Variants in C2orf49 observed in about 807,000 individuals in gnomAD.
C2orf49 encodes the protein tRNA splicing ligase complex subunit 2.
Under a neutral mutation model 20.6 loss-of-function variants are expected in C2orf49, and 11 were observed. That is an observed-to-expected ratio of 0.53 (90% CI 0.34 to 0.88). C2orf49 has a LOEUF of 0.88. Ranked by LOEUF, C2orf49 falls within the 40% of genes least tolerant of loss-of-function variation. The pLI, the probability that C2orf49 is intolerant of heterozygous loss-of-function variation, is 0.02. For missense variants in C2orf49, 289 were observed against 274.2 expected (o/e 1.05, Z -0.38); for synonymous variants, 134 against 108.5 (o/e 1.24, Z -1.46).
downstream of C2orf49, among the ~76,000 whole-genome samples, chr2:105,353,843 AT>A (rs1313449984): frequency 1.3e-5 from 2 of 152,232 alleles, no homozygotes; most frequent in Non-Finnish European, 2.9e-5. Flanking sequence ...TTGAGTATAT[AT>A]TTTAAGTTTC....
chr2:105,379,676 C>G, the C2orf49 span, among the ~76,000 whole-genome samples: 2 of 152,196 alleles, frequency 1.3e-5, no homozygotes, highest in African/African-American at 4.8e-5. Flanking sequence ...CAGATTGACC[C>G]CAACTCGCTT....
At chr2:105,354,995 A>G in the C2orf49 span, among the ~76,000 whole-genome samples, 16 of 152,228 alleles carry the variant, frequency 1.1e-4, no homozygotes, top group Admixed American at 1.0e-3. Context: ...GACAGCAAGA[A>G]CCCAGAGAAG....
the C2orf49 span, among the ~76,000 whole-genome samples, chr2:105,368,428 C>G: frequency 1.1e-4 from 17 of 152,292 alleles, no homozygotes; most frequent in Admixed American, 9.8e-4. Flanking sequence ...AACATCTGGG[C>G]TCCAGGGAAA....
chr2:105,361,953 G>T, the C2orf49 span, among the ~76,000 whole-genome samples: 2 of 152,212 alleles, frequency 1.3e-5, no homozygotes, highest in Non-Finnish European at 2.9e-5. Context: ...TGAGAAAGCT[G>T]CAGACAGATA....
At chr2:105,367,366 G>A in the C2orf49 span, among the ~76,000 whole-genome samples, 1 of 152,216 alleles carries the variant, frequency 6.6e-6, no homozygotes, top group Non-Finnish European at 1.5e-5. Flanking sequence ...TGATCACAGA[G>A]CTCAACAATG....
chr2:105,352,373 A>G (rs1201999579), downstream of C2orf49, among the ~76,000 whole-genome samples: 1 of 147,628 alleles, frequency 6.8e-6, no homozygotes, highest in African/African-American at 2.5e-5. Flanking sequence ...AAGGAAATGG[A>G]GTAAATAAAA....
At chr2:105,345,134 A>C (rs989524306) in intron 3 of C2orf49, among the ~76,000 whole-genome samples, 181 bp from the exon 4 acceptor site, 5 of 152,168 alleles carry the variant, frequency 3.3e-5, no homozygotes, top group Admixed American at 3.3e-4. Context: ...TAAACTACAC[A>C]CATTTGAGAA....
At chr2:105,373,778 G>T in the C2orf49 span, 19 of 1,604,888 alleles carry the variant, frequency 1.2e-5, no homozygotes, top group Admixed American at 3.2e-4. Flanking sequence ...AGGACAGGAG[G>T]GCTTGGACCC....
chr2:105,381,301 A>G, the C2orf49 span, among the ~76,000 whole-genome samples: 1 of 152,220 alleles, frequency 6.6e-6, no homozygotes. Flanking sequence ...AATGGACAAC[A>G]GCAGAAATGA....
chr2:105,337,701 ATC>A lies in C2orf49; in HGVS notation c.99+16_99+17del. ...CTCTGGAGCAGGTTGGGCGCGCCGG[ATC>A]GGAGGGTGGGCGGGTGGGCCTTCCC... On this transcript the variant is annotated intron_variant, in intron 1 of 3. Coordinates refer to ENST00000258457, the MANE Select transcript of C2orf49 (RefSeq NM_024093.3). The A allele has an allele frequency of 1.7e-5, 1 of 58,094 alleles. No homozygotes were observed. The highest frequency in any genetic ancestry group is 3.0e-5 in the Non-Finnish European group (1 of 33,736). The allele number at this position is 58,094 out of a possible 1,614,324, so 3.6% of individuals were successfully genotyped here.
chr2:105,357,138 T>C, the C2orf49 span, among the ~76,000 whole-genome samples: 1 of 151,944 alleles, frequency 6.6e-6, no homozygotes, highest in South Asian at 2.1e-4. Flanking sequence ...AAAAATATTT[T>C]CTCCTGTTCT....
chr2:105,342,515 A>T (rs1373983195), intron 2 of C2orf49, among the ~76,000 whole-genome samples: 1 of 151,668 alleles, frequency 6.6e-6, no homozygotes, highest in East Asian at 1.9e-4. Context: ...GGTTAAGATA[A>T]CCCTATCAAT....
chr2:105,350,096 C>A (rs561553201), downstream of C2orf49, among the ~76,000 whole-genome samples: 12 of 152,358 alleles, frequency 7.9e-5, no homozygotes, highest in African/African-American at 2.9e-4. Context: ...ACCTATCCCC[C>A]CCGGTCTAGC....
the C2orf49 span, among the ~76,000 whole-genome samples, chr2:105,372,560 A>G: frequency 6.6e-6 from 1 of 152,118 alleles, no homozygotes; most frequent in Admixed American, 6.5e-5. Flanking sequence ...CCCATATGTC[A>G]GTCTCTTCAG....
At position 105,346,326 on chromosome 2, in the gene C2orf49, A is replaced by G. The variant is rs1679809630; in HGVS notation, c.*955A>G. The G allele has an allele frequency of 6.6e-6, 1 of 152,194 alleles. No homozygotes were observed. Among genetic ancestry groups the G allele is most frequent in the Non-Finnish European group, 1.5e-5 (1 of 68,048 alleles). The allele number at this position is 152,194 out of a possible 1,614,324, so 9.4% of individuals were successfully genotyped here. A position where few individuals can be genotyped will look rare whatever the true frequency, so the allele number is the denominator to read the frequency against. On this transcript the variant is annotated 3_prime_UTR_variant, in exon 4 of 4. Transcript: ENST00000258457. ...TGCTCCTTTCCTTGAAGTTGTAACA[A>G]TTGATACATATATTATGAGTTGACT...
chr2:105,378,187 C>A, the C2orf49 span: 6 of 470,988 alleles, frequency 1.3e-5, no homozygotes, highest in Admixed American at 1.2e-4. Flanking sequence ...TCCATTTTTC[C>A]TACAGTTAAT....
rs1267444034 is a variant in C2orf49, at chr2:105,348,093, C to T, written c.*2722C>T. On this transcript the variant is annotated 3_prime_UTR_variant, in exon 4 of 4. Coordinates refer to ENST00000258457, the MANE Select transcript of C2orf49 (RefSeq NM_024093.3). ...ATTCTCCTTCCTCCTTACTGTAGAT[C>T]CCAAGCTTCTAGCTTAGGTTTGCAA... 1.3e-5 allele frequency: 2 copies of T among 152,140 alleles called. No individual in the cohort carries two copies. Among genetic ancestry groups the T allele is most frequent in the African/African-American group, 4.8e-5 (2 of 41,422 alleles). The allele number at this position is 152,140 out of a possible 1,614,324, so 9.4% of individuals were successfully genotyped here.
At chr2:105,358,346 G>C in the C2orf49 span, 1 of 152,390 alleles carries the variant, frequency 6.6e-6, no homozygotes, top group Non-Finnish European at 1.5e-5. Context: ...TGAGTGGGTT[G>C]ATAGCCGCTG....
At chr2:105,364,274 CA>C in the C2orf49 span, among the ~76,000 whole-genome samples, 1 of 151,292 alleles carries the variant, frequency 6.6e-6, no homozygotes, top group Admixed American at 6.6e-5. Flanking sequence ...CAAAACAAAA[CA>C]AAACAAAAAC....
Sources: gnomAD v4.1 joint callset for allele counts (sites outside exome capture counted in the v4.1 genomes callset) on GRCh38, gnomAD v4.1.1 for gene constraint, MANE v1.5 for transcripts, NCBI Gene and HGNC (gene_info 2026-07-23, HGNC 2026-07-21) for gene names.